ATP13A3: variants seen among roughly 807,000 people sequenced by gnomAD.
ATP13A3 encodes the protein polyamine-transporting ATPase 13A3.
In ATP13A3, 59 loss-of-function variants were observed where a neutral mutation model predicts 158.1. The observed-to-expected ratio is 0.37, with a 90% CI of 0.30 to 0.46. The LOEUF (loss-of-function observed/expected upper bound fraction) is 0.46. ATP13A3 is among the 20% of genes least tolerant of loss of function. The pLI is 1.00. For synonymous variants in ATP13A3, 491 were observed against 504.3 expected (o/e 0.97, Z 0.35); for missense variants, 1,166 against 1,525.2 (o/e 0.76, Z 3.92).
chr3:194,417,590 T>A (rs532192696), intron 31 of ATP13A3, among the ~76,000 whole-genome samples: 2 of 151,932 alleles, frequency 1.3e-5, no homozygotes, highest in Non-Finnish European at 2.9e-5. Flanking sequence ...CTGGCACAAA[T>A]AAAGAGAACT....
chr3:194,410,025 G>C (rs763816604), intron 33 of ATP13A3, among the ~76,000 whole-genome samples: 1 of 151,620 alleles, frequency 6.6e-6, no homozygotes. Flanking sequence ...CCACAGAAAC[G>C]GAAGACTTAA....
intron 2 of ATP13A3, among the ~76,000 whole-genome samples, chr3:194,484,532 T>C (rs1258958781): frequency 6.6e-6 from 1 of 151,798 alleles, no homozygotes; most frequent in Non-Finnish European, 1.5e-5. Context: ...TCAAACTCAG[T>C]GAGAATAAGC....
chr3:194,410,324 A>AAC (rs1715300855), intron 33 of ATP13A3, among the ~76,000 whole-genome samples: 2 of 145,808 alleles, frequency 1.4e-5, no homozygotes, highest in African/African-American at 5.2e-5. Flanking sequence ...AAAAAAAAAA[A>AAC]AAAAAAACTG....
intron 33 of ATP13A3, among the ~76,000 whole-genome samples, chr3:194,410,315 A>AAC (rs1560066680): frequency 5.5e-5 from 8 of 145,062 alleles, no homozygotes; most frequent in African/African-American, 7.8e-5. Context: ...AAAAAAAAAA[A>AAC]AAAAAAAAAA....
chr3:194,427,678 TAAA>T (rs1716896735), intron 28 of ATP13A3, among the ~76,000 whole-genome samples: 1 of 142,810 alleles, frequency 7.0e-6, no homozygotes, highest in Admixed American at 6.8e-5. Flanking sequence ...AATAAATAAA[TAAA>T]TAATTTTAAA....
upstream of ATP13A3, chr3:194,487,628 A>G (rs1244076053): frequency 6.6e-6 from 1 of 152,176 alleles, no homozygotes; most frequent in African/African-American, 2.4e-5. Context: ...TCCTGGATGC[A>G]AATTAAATAC....
intron 28 of ATP13A3, among the ~76,000 whole-genome samples, chr3:194,427,950 C>T (rs13062612): frequency 6.6e-6 from 1 of 151,776 alleles, no homozygotes; most frequent in African/African-American, 2.4e-5. Context: ...GCTGGGCACA[C>T]TGGCTCACGC....
rs1447668376 is a variant in ATP13A3, at chr3:194,403,869, T to C, written c.*2050A>G. The C allele has an allele frequency of 7.8e-6, 2 of 255,586 alleles. No homozygotes were observed. Among genetic ancestry groups the C allele is most frequent in the Non-Finnish European group, 1.5e-5 (2 of 131,940 alleles). 15.8% of individuals were successfully genotyped at this position (255,586 alleles called of 1,614,324 possible). On this transcript the variant is annotated 3_prime_UTR_variant, in exon 34 of 34. Coordinates refer to ENST00000645319, the MANE Select transcript of ATP13A3 (RefSeq NM_001367549.1). ...ACACCTCATTCCTTTGAAAACAATA[T>C]GGACAGAAGAGATATAAAACCCTTA... is the stretch of plus-strand genomic sequence containing the variant.
chr3:194,470,653 C>G (rs1294416646), intron 2 of ATP13A3, among the ~76,000 whole-genome samples: 1 of 152,102 alleles, frequency 6.6e-6, no homozygotes, highest in African/African-American at 2.4e-5. Context: ...TGTCCACTTA[C>G]GTCACTGAGA....
intron 7 of ATP13A3, among the ~76,000 whole-genome samples, chr3:194,456,443 G>A (rs1719234886): frequency 1.3e-5 from 2 of 151,830 alleles, no homozygotes; most frequent in South Asian, 4.1e-4. Context: ...TGTTACAATA[G>A]TATTTTCTAT....
At chr3:194,468,541 T>C (rs755259467) in intron 2 of ATP13A3, among the ~76,000 whole-genome samples, 20 of 152,228 alleles carry the variant, frequency 1.3e-4, no homozygotes, top group Non-Finnish European at 2.2e-4. Context: ...TCCTATACCA[T>C]GCTAAAAGTT....
intron 21 of ATP13A3, 56 bp downstream of exon 21, chr3:194,433,716 A>G (rs946005163): frequency 1.3e-6 from 2 of 1,596,358 alleles, no homozygotes; most frequent in Non-Finnish European, 1.7e-6. Flanking sequence ...TCAATATAAT[A>G]TAACTTCAGC....
chr3:194,421,153 A>AGTT (rs376115821), intron 30 of ATP13A3, among the ~76,000 whole-genome samples: 163 of 4,064 alleles, frequency 0.04, 11 homozygotes, highest in Non-Finnish European at 0.061. Flanking sequence ...ATATATATAT[A>AGTT]TATATATATA....
intron 30 of ATP13A3, 150 bp downstream of exon 30, chr3:194,425,192 G>A (rs1716675632): frequency 1.2e-6 from 1 of 810,526 alleles, no homozygotes; most frequent in Non-Finnish European, 1.9e-6. Flanking sequence ...ACCAATGAAA[G>A]TAAAACAAAA....
chr3:194,419,893 C>A lies in ATP13A3; in HGVS notation c.3388G>T (p.Asp1130Tyr). 2.6e-6 allele frequency: 4 copies of A among 1,562,240 alleles called. No homozygotes were observed. In the South Asian group the frequency reaches 5.0e-5, roughly 19 times the overall value. The change falls in exon 31 of 34, where the codon GAC (aspartate) becomes TAC (tyrosine). Residue 1130 changes from aspartate to tyrosine, a missense_variant. Asp to Tyr is a radical substitution (Grantham distance 160). Transcript: ENST00000645319. ...FIMLYPVASV[D>Y]QVLQIVCVPY... ...TTAAGTCTTACCTGAAGAACCTGGT[C>A]AACAGAGGCAACTGGATACAACATG... is the stretch of plus-strand genomic sequence containing the variant.
Position 194,460,843 on chromosome 3 carries a change from C to G in ATP13A3, c.52-12G>C. The G allele has an allele frequency of 6.2e-7, 1 of 1,603,978 alleles. No individual in the cohort carries two copies. The highest frequency in any genetic ancestry group is 8.5e-7 in the Non-Finnish European group (1 of 1,175,038). ...TAACCATAAATCTCCTGCATGGACA[C>G]AGCGATCACATGATTAATTATCAAA... is the stretch of plus-strand genomic sequence containing the variant. On this transcript the variant is annotated splice_polypyrimidine_tract_variant and intron_variant, in intron 3 of 33. Transcript: ENST00000645319.
rs1201615698 is a variant in ATP13A3 at position 194,431,811 on chromosome 3, G to C, written c.2327C>G (p.Ala776Gly). Reference protein sequence around the residue: ...LPQDKVIIAEALPPKDGKVAK... With the variant: ...LPQDKVIIAEGLPPKDGKVAK... ...AACTTTCCCATCCTTTGGAGGTAAT[G>C]CTTCAGCAATAATCACTTTATCCTG... is the stretch of plus-strand genomic sequence containing the variant. The change falls in exon 22 of 34, where the codon GCA (alanine) becomes GGA (glycine). Residue 776 changes from alanine to glycine, a missense_variant. Physicochemically the swap from Ala to Gly is moderately conservative, Grantham distance 60 (BLOSUM62 0). Coordinates refer to ENST00000645319, the MANE Select transcript of ATP13A3 (RefSeq NM_001367549.1). 6.2e-7 allele frequency: 1 copy of C among 1,613,232 alleles called. No homozygotes were observed. The highest frequency in any genetic ancestry group is 1.3e-5 in the African/African-American group (1 of 74,980).
At chr3:194,430,405 A>C in intron 24 of ATP13A3, 90 bp from the exon 25 acceptor site, 1 of 1,347,682 alleles carries the variant, frequency 7.4e-7, no homozygotes, top group East Asian at 2.5e-5. Context: ...CAGTATTATA[A>C]AGAGCTAACA....
chr3:194,410,110 T>A (rs900871318), intron 33 of ATP13A3, among the ~76,000 whole-genome samples: 2 of 151,518 alleles, frequency 1.3e-5, no homozygotes, highest in African/African-American at 4.9e-5. Flanking sequence ...TCTGGACCAC[T>A]CTCTACCTTC....
Sources: allele counts gnomAD v4.1 joint callset (sites outside exome capture counted in the v4.1 genomes callset), GRCh38; gene constraint gnomAD v4.1.1; transcripts MANE v1.5; gene names NCBI Gene and HGNC (gene_info 2026-07-23, HGNC 2026-07-21).